PLCH1: variants seen among roughly 807,000 people sequenced by gnomAD.
PLCH1 encodes 1-phosphatidylinositol 4,5-bisphosphate phosphodiesterase eta-1.
In PLCH1, 60 loss-of-function variants were observed where a neutral mutation model predicts 126.7. The observed-to-expected ratio is 0.47, with a 90% confidence interval of 0.38 to 0.59. PLCH1 has a LOEUF of 0.59. Among genes scored for constraint, PLCH1 ranks in the 20% least tolerant of loss-of-function variants. The probability of loss-of-function intolerance (pLI) is 0.00; values close to 1 mark genes in which losing one functional copy is unlikely to be tolerated. For synonymous variants in PLCH1, 719 were observed against 734.9 expected, an observed-to-expected ratio of 0.98 and a Z score of 0.35; for missense variants, 1,723 against 2,040.0, an observed-to-expected ratio of 0.84 and a Z score of 2.99.
chr3:155,485,264 G>T, intron 22 of PLCH1, 92 bp downstream of exon 22: 1 of 760,528 alleles, frequency 1.3e-6, no homozygotes, highest in Non-Finnish European at 2.2e-6. Flanking sequence ...ATTTTACTTT[G>T]ACTACAGAAT....
At chr3:155,682,477 T>A (rs1744614921) in intron 2 of PLCH1, among the ~76,000 whole-genome samples, 1 of 152,210 alleles carries the variant, frequency 6.6e-6, no homozygotes, top group Non-Finnish European at 1.5e-5. Context: ...AAATGCTCAA[T>A]TAAGGTAGTA....
intron 10 of PLCH1, among the ~76,000 whole-genome samples, chr3:155,529,635 T>C (rs1321863303): frequency 6.6e-6 from 1 of 152,234 alleles, no homozygotes; most frequent in Non-Finnish European, 1.5e-5. Flanking sequence ...AAGCTAATGA[T>C]CATCTGAACC....
intron 1 of PLCH1, among the ~76,000 whole-genome samples, chr3:155,743,950 T>C (rs189396224): frequency 1.3e-5 from 2 of 152,148 alleles, no homozygotes; most frequent in East Asian, 3.9e-4. Context: ...ATAACTAATC[T>C]CTCACCATTT....
chr3:155,483,409 A>G (rs1714501344), intron 22 of PLCH1: 2 of 1,506,564 alleles, frequency 1.3e-6, no homozygotes, highest in Non-Finnish European at 1.8e-6. Flanking sequence ...AAACAGAACA[A>G]GACAGCTCTG....
At chr3:155,494,795 T>G (rs768142045) in intron 15 of PLCH1, among the ~76,000 whole-genome samples, 42 of 152,160 alleles carry the variant, frequency 2.8e-4, no homozygotes, top group Admixed American at 2.0e-4. Flanking sequence ...AATTCAATCA[T>G]ACCGCTAATT....
At chr3:155,586,318 C>A (rs911665163) in intron 4 of PLCH1, 124 bp from the exon 5 acceptor site, 34 of 883,560 alleles carry the variant, frequency 3.8e-5, no homozygotes, top group Non-Finnish European at 4.8e-5. Flanking sequence ...TTGAGGAGCC[C>A]CTGCAATCCA....
At position 155,517,370 on chromosome 3, in the gene PLCH1, T is replaced by C. The variant is rs77662671; in HGVS notation, c.1471-2486A>G. On this transcript the variant is annotated intron_variant, in intron 11 of 22. Transcript: ENST00000460012. ...TTAACAAATTGCTACAAACCTGATA[T>C]CTTAAAACAATAGAAATGTACTTAT... Among the ~76,000 whole-genome samples, 49 of 152,258 alleles carry C rather than the reference T, an allele frequency of 3.2e-4. No homozygotes were observed. The East Asian group carries it at 9.1e-3, about 28-fold the overall frequency.
At chr3:155,573,888 C>T (rs1036234612) in intron 6 of PLCH1, among the ~76,000 whole-genome samples, 3 of 152,042 alleles carry the variant, frequency 2.0e-5, no homozygotes, top group Non-Finnish European at 4.4e-5. Context: ...CACACTCAGC[C>T]GTGTGTGGCA....
At chr3:155,595,856 T>C (rs1732912760) in intron 3 of PLCH1, among the ~76,000 whole-genome samples, 1 of 152,160 alleles carries the variant, frequency 6.6e-6, no homozygotes, top group Non-Finnish European at 1.5e-5. Context: ...GTTAATTCAT[T>C]AATCACTTAA....
intron 2 of PLCH1, among the ~76,000 whole-genome samples, chr3:155,652,977 T>TA (rs1740879183): frequency 6.6e-6 from 1 of 152,166 alleles, no homozygotes; most frequent in Non-Finnish European, 1.5e-5. Flanking sequence ...CCTCTAATTA[T>TA]ACAATGCCAC....
At chr3:155,655,604 C>T (rs930194054) in intron 2 of PLCH1, among the ~76,000 whole-genome samples, 4 of 152,170 alleles carry the variant, frequency 2.6e-5, no homozygotes, top group South Asian at 2.1e-4. Flanking sequence ...CAAATAAAGC[C>T]TTCCATCCAT....
At chr3:155,453,947 G>A (rs551832471) in intron 21 of PLCH1, among the ~76,000 whole-genome samples, 106 of 152,108 alleles carry the variant, frequency 7.0e-4, no homozygotes, top group Non-Finnish European at 1.1e-3. Context: ...AGAAAGGTCT[G>A]TGGGAAAAAA....
intron 10 of PLCH1, among the ~76,000 whole-genome samples, chr3:155,529,759 T>TTTTTGTTTTGTTTTG (rs71155050): frequency 0.061 from 9,159 of 150,586 alleles, 351 homozygotes; most frequent in Middle Eastern, 0.14. Context: ...ATTTGCTTCT[T>TTTTTGTTTTGTTTTG]TTTTGTTTTG....
intron 1 of PLCH1, among the ~76,000 whole-genome samples, chr3:155,737,231 C>CAAAAGAAAAAAAAAA (rs1749261261): frequency 1.7e-5 from 1 of 59,518 alleles, no homozygotes; most frequent in Non-Finnish European, 3.2e-5. Context: ...GCCTCCGTCT[C>CAAAAGAAAAAAAAAA]AAAAAAAAAA....
intron 11 of PLCH1, among the ~76,000 whole-genome samples, chr3:155,523,053 C>G (rs982129348): frequency 1.3e-5 from 2 of 152,112 alleles, no homozygotes; most frequent in Non-Finnish European, 2.9e-5. Context: ...CGGCTCACTG[C>G]AAGCTCCGCC....
intron 17 of PLCH1, among the ~76,000 whole-genome samples, chr3:155,493,181 G>C (rs1716513707): frequency 6.6e-6 from 1 of 152,226 alleles, no homozygotes; most frequent in African/African-American, 2.4e-5. Context: ...TCTCAGGCAT[G>C]AGTGAATATA....
chr3:155,625,071 A>T (rs7620630), intron 2 of PLCH1, among the ~76,000 whole-genome samples: 1 of 151,860 alleles, frequency 6.6e-6, no homozygotes. Context: ...CAGAATAGAG[A>T]CCTCAGAAAT....
At chr3:155,726,607 T>C (rs1248540511) in intron 1 of PLCH1, among the ~76,000 whole-genome samples, 1 of 152,160 alleles carries the variant, frequency 6.6e-6, no homozygotes, top group Non-Finnish European at 1.5e-5. Flanking sequence ...CCTTGAAAAT[T>C]CTCAGCCATT....
chr3:155,459,135 G>A lies in PLCH1; in HGVS notation c.2938+26221C>T, dbSNP rs148738449. Among the ~76,000 whole-genome samples, 46 of 152,268 alleles carry A rather than the reference G, an allele frequency of 3.0e-4. 1 individual carries two copies. The East Asian group carries it at 6.9e-3, about 23-fold the overall frequency. ...GTAAGTCTTTGAATATTAAGTTGTC[G>A]CTGCAATTTACCAATATAAGGATGA... is the stretch of plus-strand genomic sequence containing the variant. On this transcript the variant is annotated intron_variant, in intron 21 of 21. Transcript: ENST00000494598.
Sources: allele counts gnomAD v4.1 joint callset (sites outside exome capture counted in the v4.1 genomes callset), GRCh38; gene constraint gnomAD v4.1.1; transcripts MANE v1.5; gene names NCBI Gene and HGNC (gene_info 2026-07-23, HGNC 2026-07-21).